Variants in FIRRM observed in about 807,000 individuals in gnomAD.
FIRRM encodes the protein FIGNL1 interacting regulator of recombination and mitosis.
the FIRRM span, chr1:169,821,911 T>C: frequency 2.1e-6 from 1 of 485,642 alleles, no homozygotes; most frequent in Non-Finnish European, 3.6e-6. Context: ...GGGATTTAAG[T>C]ACAGGTGTGA....
the FIRRM span, among the ~76,000 whole-genome samples, chr1:169,837,749 T>C: frequency 2.6e-5 from 4 of 152,194 alleles, no homozygotes; most frequent in African/African-American, 9.7e-5. Flanking sequence ...AGCTTAGCAG[T>C]GGACAGTAAA....
chr1:169,784,120 A>T, the FIRRM span, among the ~76,000 whole-genome samples: 2 of 152,186 alleles, frequency 1.3e-5, no homozygotes, highest in African/African-American at 4.8e-5. Flanking sequence ...CTAGAATGTT[A>T]TATCAGATGC....
At chr1:169,785,958 C>T in the FIRRM span, among the ~76,000 whole-genome samples, 24 of 152,090 alleles carry the variant, frequency 1.6e-4, no homozygotes, top group African/African-American at 5.8e-4. Context: ...AATATCTATA[C>T]GACAGTAATA....
At chr1:169,832,304 C>T in the FIRRM span, 5 of 660,282 alleles carry the variant, frequency 7.6e-6, no homozygotes, top group African/African-American at 1.8e-5. Context: ...ATATTACCTA[C>T]AATCTTTTCC....
chr1:169,812,003 A>T, the FIRRM span, among the ~76,000 whole-genome samples: 1 of 152,226 alleles, frequency 6.6e-6, no homozygotes, highest in African/African-American at 2.4e-5. Flanking sequence ...TGCTTATATT[A>T]CCCACACCTT....
At chr1:169,852,777 G>GT in the FIRRM span, 21 of 1,611,284 alleles carry the variant, frequency 1.3e-5, no homozygotes, top group Admixed American at 1.7e-5. Context: ...TATTACTTAT[G>GT]TTTTTTTTCC....
chr1:169,844,931 C>T, the FIRRM span, among the ~76,000 whole-genome samples: 2 of 151,988 alleles, frequency 1.3e-5, no homozygotes, highest in African/African-American at 4.8e-5. Flanking sequence ...GTTTTCAGCC[C>T]AAGAGCTAGG....
At chr1:169,851,310 T>C in the FIRRM span, 1 of 152,466 alleles carries the variant, frequency 6.6e-6, no homozygotes, top group Admixed American at 6.6e-5. Flanking sequence ...ATATTACATA[T>C]ATATTTTTTT....
the FIRRM span, chr1:169,803,097 C>A: frequency 7.2e-7 from 1 of 1,388,336 alleles, no homozygotes. Context: ...TTGTAGCACC[C>A]AGCATGCTGA....
At chr1:169,827,443 G>T in the FIRRM span, among the ~76,000 whole-genome samples, 1 of 152,160 alleles carries the variant, frequency 6.6e-6, no homozygotes, top group Admixed American at 6.5e-5. Context: ...TTCAAGACCA[G>T]CCTGACCAAT....
chr1:169,827,177 G>C, the FIRRM span: 1 of 1,613,176 alleles, frequency 6.2e-7, no homozygotes. Flanking sequence ...CTTTCATGCA[G>C]GTGGTTTTGG....
the FIRRM span, chr1:169,795,321 G>T: frequency 1.4e-6 from 2 of 1,422,580 alleles, no homozygotes; most frequent in Non-Finnish European, 1.9e-6. Context: ...ATATTACCGC[G>T]GCCTGAACCC....
At chr1:169,791,388 C>G in the FIRRM span, among the ~76,000 whole-genome samples, 1 of 152,200 alleles carries the variant, frequency 6.6e-6, no homozygotes, top group Non-Finnish European at 1.5e-5. Flanking sequence ...GTTTCCTTAA[C>G]TATGACTTTC....
At chr1:169,798,860 T>G in the FIRRM span, 9 of 1,027,222 alleles carry the variant, frequency 8.8e-6, no homozygotes, top group Non-Finnish European at 1.2e-5. Context: ...TTTTTAGGTT[T>G]GTTCTGAGTA....
At chr1:169,832,714 C>G in the FIRRM span, among the ~76,000 whole-genome samples, 1 of 152,076 alleles carries the variant, frequency 6.6e-6, no homozygotes, top group African/African-American at 2.4e-5. Context: ...AGCAATCCTC[C>G]CACCTCAGCC....
the FIRRM span, among the ~76,000 whole-genome samples, chr1:169,842,708 G>C: frequency 6.6e-6 from 1 of 152,132 alleles, no homozygotes; most frequent in Admixed American, 6.5e-5. Context: ...AGCTTTTTCA[G>C]AGTGTGATAG....
chr1:169,804,654 A>G, the FIRRM span, among the ~76,000 whole-genome samples: 1 of 152,184 alleles, frequency 6.6e-6, no homozygotes, highest in East Asian at 1.9e-4. Flanking sequence ...CTCATTTTAC[A>G]TGTGATGCAC....
the FIRRM span, among the ~76,000 whole-genome samples, chr1:169,845,194 G>A: frequency 6.6e-6 from 1 of 152,126 alleles, no homozygotes; most frequent in Non-Finnish European, 1.5e-5. Context: ...CAGAAGTTAT[G>A]TTTACACTAT....
the FIRRM span, among the ~76,000 whole-genome samples, chr1:169,812,191 G>A: frequency 6.6e-6 from 1 of 152,212 alleles, no homozygotes; most frequent in African/African-American, 2.4e-5. Context: ...AACAAATCTT[G>A]TGTAATTTCC....
Sources: gnomAD v4.1 joint callset for allele counts (sites outside exome capture counted in the v4.1 genomes callset) on GRCh38, gnomAD v4.1.1 for gene constraint, MANE v1.5 for transcripts, NCBI Gene and HGNC (gene_info 2026-07-23, HGNC 2026-07-21) for gene names.